The following TUFT1 variants were observed in gnomAD, a reference collection of about 807,000 sequenced individuals.
TUFT1 encodes the protein tuftelin 1.
In TUFT1, 43 loss-of-function variants were observed where a neutral mutation model predicts 57.8. The observed-to-expected ratio is 0.74, with a 90% CI of 0.58 to 0.96. The LOEUF (loss-of-function observed/expected upper bound fraction) is 0.96, where lower values mean the gene tolerates loss of function less well. Ranked by LOEUF, TUFT1 falls within the 40% of genes least tolerant of loss-of-function variation. The pLI, the probability that TUFT1 is intolerant of heterozygous loss-of-function variation, is 0.00. For missense variants in TUFT1, 459 were observed against 489.0 expected (o/e 0.94, Z 0.58); for synonymous variants, 166 against 176.7 (o/e 0.94, Z 0.48).
intron 1 of TUFT1, among the ~76,000 whole-genome samples, chr1:151,545,563 A>G (rs1443431749): frequency 6.6e-6 from 1 of 152,140 alleles, no homozygotes; most frequent in Non-Finnish European, 1.5e-5. Flanking sequence ...GTTAGCTATT[A>G]TTTTCTATTT....
intron 1 of TUFT1, 73 bp from the exon 2 acceptor site, chr1:151,562,018 C>T: frequency 2.0e-6 from 3 of 1,526,518 alleles, no homozygotes; most frequent in South Asian, 2.3e-5. Context: ...AGAAGCACCC[C>T]TGTACTGGTA....
chr1:151,582,389 C>A lies in TUFT1; in HGVS notation c.*682C>A. 2.8e-6 allele frequency: 1 copy of A among 358,876 alleles called. No homozygotes were observed. Among genetic ancestry groups the A allele is most frequent in the South Asian group, 2.1e-5 (1 of 47,396 alleles). The allele number at this position is 358,876 out of a possible 1,614,324, so 22.2% of individuals were successfully genotyped here. On this transcript the variant is annotated 3_prime_UTR_variant, in exon 13 of 13. Coordinates refer to ENST00000368849, the MANE Select transcript of TUFT1 (RefSeq NM_020127.3). Reference sequence around the variant, plus strand: ...GGCTACAGACAGTCATGTGTGACTTCTCTCTGCTGTGAAAACTCCCAGAGT... The same window carrying A: ...GGCTACAGACAGTCATGTGTGACTTATCTCTGCTGTGAAAACTCCCAGAGT...
At chr1:151,552,732 A>AAG (rs1420976681) in intron 1 of TUFT1, among the ~76,000 whole-genome samples, 3 of 151,148 alleles carry the variant, frequency 2.0e-5, no homozygotes, top group Non-Finnish European at 2.9e-5. Flanking sequence ...AAAAAAAAAA[A>AAG]AGGCATACAG....
At chr1:151,569,636 C>CGGAA in intron 6 of TUFT1, 21 bp from the exon 7 acceptor site, 5 of 1,603,714 alleles carry the variant, frequency 3.1e-6, no homozygotes, top group Non-Finnish European at 4.3e-6. Context: ...CTTCCCCTTC[C>CGGAA]CTTCCTTGTT....
intron 8 of TUFT1, 54 bp downstream of exon 8, chr1:151,574,452 T>C: frequency 6.2e-7 from 1 of 1,604,078 alleles, no homozygotes; most frequent in Non-Finnish European, 8.5e-7. Context: ...GGAAGGGGCC[T>C]GCAGGTGGAT....
rs950715030 is a variant in TUFT1 at position 151,574,342 on chromosome 1, G to A, written c.667G>A (p.Glu223Lys). 3.1e-6 allele frequency: 5 copies of A among 1,614,106 alleles called. No individual in the cohort carries two copies. The African/African-American group carries it at 5.3e-5, about 17-fold the overall frequency. The change falls in exon 8 of 13, where the codon GAG (glutamate) becomes AAG (lysine). Residue 223 changes from glutamate to lysine, a missense_variant. Coordinates refer to ENST00000368849, the MANE Select transcript of TUFT1 (RefSeq NM_020127.3). ...VALQREEDRV[E>K]QKEAEVGELQ... is the part of the protein sequence containing the mutation. Reference sequence around the variant, plus strand: ...CCTTCAGAGAGAGGAGGACAGAGTGGAGCAGAAAGAGGCAGAAGTCGGAGA... The same window carrying A: ...CCTTCAGAGAGAGGAGGACAGAGTGAAGCAGAAAGAGGCAGAAGTCGGAGA...
intron 3 of TUFT1, 92 bp from the exon 4 acceptor site, chr1:151,563,812 T>C: frequency 9.4e-7 from 1 of 1,069,428 alleles, no homozygotes; most frequent in Non-Finnish European, 1.4e-6. Context: ...GTGGTAACAA[T>C]TTACCCTCCC....
intron 11 of TUFT1, among the ~76,000 whole-genome samples, chr1:151,580,550 T>C (rs1323755805): frequency 6.6e-6 from 1 of 150,840 alleles, no homozygotes; most frequent in Non-Finnish European, 1.5e-5. Flanking sequence ...GTAGTCCAGT[T>C]ACTTGGGAGA....
intron 7 of TUFT1, among the ~76,000 whole-genome samples, chr1:151,571,457 A>C (rs1240755280): frequency 2.0e-5 from 3 of 152,176 alleles, no homozygotes; most frequent in Admixed American, 6.5e-5. Context: ...AATCAGTTTA[A>C]CAAGGAGATT....
At chr1:151,549,356 G>T (rs2102521082) in intron 1 of TUFT1, among the ~76,000 whole-genome samples, 1 of 152,296 alleles carries the variant, frequency 6.6e-6, no homozygotes, top group African/African-American at 2.4e-5. Flanking sequence ...TGGGTTGGGG[G>T]TGCAGGCCGA....
At chr1:151,564,095 C>T (rs575438326) in intron 4 of TUFT1, 105 bp downstream of exon 4, 13 of 894,034 alleles carry the variant, frequency 1.5e-5, no homozygotes, top group Middle Eastern at 2.2e-4. Context: ...CCTTCTTTTT[C>T]CTTTATGTCT....
At chr1:151,540,638 G>A (rs1370065176) in intron 1 of TUFT1, 1 of 593,744 alleles carries the variant, frequency 1.7e-6, no homozygotes, top group African/African-American at 1.9e-5. Context: ...AGGGTTCGGG[G>A]CGTCCCTGCC....
chr1:151,545,331 A>G lies in TUFT1; in HGVS notation c.60+4905A>G, dbSNP rs556660705. Among the ~76,000 whole-genome samples the G allele has an allele frequency of 5.3e-5, 8 of 152,312 alleles. No homozygotes were observed. In the East Asian group the frequency reaches 5.8e-4, roughly 11 times the overall value. ...GTCTCAAACAAACAAAAAAAAGAGC[A>G]TGGCTCTGGGAATCTGACTAAGGTG... is the stretch of plus-strand genomic sequence containing the variant. On this transcript the variant is annotated intron_variant, in intron 1 of 12. Transcript: ENST00000368849.
intron 6 of TUFT1, among the ~76,000 whole-genome samples, chr1:151,568,762 C>G (rs1666157382): frequency 6.6e-6 from 1 of 152,168 alleles, no homozygotes; most frequent in Non-Finnish European, 1.5e-5. Flanking sequence ...ATAATAACAC[C>G]TGGTAATATC....
chr1:151,573,590 CA>C (rs1174256194), intron 7 of TUFT1, among the ~76,000 whole-genome samples: 3 of 152,024 alleles, frequency 2.0e-5, no homozygotes, highest in Non-Finnish European at 4.4e-5. Flanking sequence ...ACTAAAAATA[CA>C]AAATTAGCTG....
At chr1:151,569,124 A>C (rs111818043) in intron 6 of TUFT1, among the ~76,000 whole-genome samples, 4 of 152,184 alleles carry the variant, frequency 2.6e-5, no homozygotes, top group Non-Finnish European at 5.9e-5. Flanking sequence ...TCGTGGACTC[A>C]TTGCATGCTT....
At chr1:151,545,330 C>A (rs972227873) in intron 1 of TUFT1, among the ~76,000 whole-genome samples, 1 of 152,126 alleles carries the variant, frequency 6.6e-6, no homozygotes, top group African/African-American at 2.4e-5. Context: ...AAAAAAAGAG[C>A]ATGGCTCTGG....
Position 151,581,757 on chromosome 1 carries a change from G to GT in TUFT1, c.*50_*51insT, listed in dbSNP as rs1553252203. 19 of 1,597,262 alleles carry GT rather than the reference G, an allele frequency of 1.2e-5. No homozygotes were observed. Among genetic ancestry groups the GT allele is most frequent in the Non-Finnish European group, 1.5e-5 (17 of 1,165,036 alleles). ...TTGCTGCTGCCTCTGCCTCGGAGAA[G>GT]CCCACTGCCCCTGTTGGCTGTTAAC... On this transcript the variant is annotated 3_prime_UTR_variant, in exon 13 of 13. Transcript: ENST00000368849.
At chr1:151,574,509 C>A in intron 8 of TUFT1, 111 bp downstream of exon 8, 2 of 1,384,270 alleles carry the variant, frequency 1.4e-6, no homozygotes, top group Non-Finnish European at 2.0e-6. Flanking sequence ...TCCAGAAAAG[C>A]ACACTTCGCA....
Sources: allele counts gnomAD v4.1 joint callset (sites outside exome capture counted in the v4.1 genomes callset), GRCh38; gene constraint gnomAD v4.1.1; transcripts MANE v1.5; gene names NCBI Gene and HGNC (gene_info 2026-07-23, HGNC 2026-07-21).